The following AGO2 variants were observed in gnomAD, a reference collection of about 807,000 sequenced individuals.
The protein encoded by AGO2 is argonaute RISC catalytic component 2.
A neutral mutation model predicts 102.3 loss-of-function variants in AGO2; 5 were observed. That is an observed-to-expected ratio of 0.05 (90% CI 0.03 to 0.10). AGO2 has a LOEUF of 0.10. AGO2 is among the 10% of genes least tolerant of loss of function. The probability of loss-of-function intolerance (pLI) is 1.00; values close to 1 mark genes in which losing one functional copy is unlikely to be tolerated. For synonymous variants in AGO2, 449 were observed against 473.1 expected, an observed-to-expected ratio of 0.95 and a Z score of 0.66; for missense variants, 541 against 1,183.7, an observed-to-expected ratio of 0.46 and a Z score of 7.97.
rs1463018657 is a variant in AGO2 at position 140,597,476 on chromosome 8, C to A, written c.23-12165G>T. Among the ~76,000 whole-genome samples the A allele has an allele frequency of 3.0e-4, 41 of 136,208 alleles. 1 individual carries two copies. Among genetic ancestry groups the A allele is most frequent in the South Asian group, 2.6e-3 (10 of 3,832 alleles). The allele number at this position is 136,208 out of a possible 152,430, so 89.4% of individuals were successfully genotyped here. A position where few individuals can be genotyped will look rare whatever the true frequency, so the allele number is the denominator to read the frequency against. ...GATGGGGGCTGGGTGGCCCCCCCAC[C>A]CCCCCCCCCCCGCCCCAGGCCTCCC... On this transcript the variant is annotated intron_variant, in intron 1 of 18. Transcript: ENST00000220592.
In AGO2 at chr8:140,521,621, A is replaced by G. The variant is rs949721103; in HGVS notation, c.*10423T>C. The G allele has an allele frequency of 6.6e-6, 1 of 152,244 alleles. No individual in the cohort carries two copies. The highest frequency in any genetic ancestry group is 2.1e-4 in the South Asian group (1 of 4,834). 9.4% of individuals were successfully genotyped at this position (152,244 alleles called of 1,614,324 possible). On this transcript the variant is annotated 3_prime_UTR_variant, in exon 19 of 19. Coordinates refer to ENST00000220592, the MANE Select transcript of AGO2 (RefSeq NM_012154.5). ...AATATAAAAGCATGGTAAGTCATCAACCTATCTCATTTTCTTACCTGTCAG... is the reference window on the plus strand; with the variant it reads ...AATATAAAAGCATGGTAAGTCATCAGCCTATCTCATTTTCTTACCTGTCAG...
At chr8:140,541,104 C>A in intron 15 of AGO2, 60 bp downstream of exon 15, 1 of 1,460,624 alleles carries the variant, frequency 6.8e-7, no homozygotes, top group Non-Finnish European at 9.2e-7. Context: ...GGTTCTGCTG[C>A]ACAAACAGGT....
At chr8:140,568,287 G>GAAAAAAAA (rs4058201) in intron 3 of AGO2, among the ~76,000 whole-genome samples, 44,144 of 129,844 alleles carry the variant, frequency 0.34, 8,283 homozygotes, top group African/African-American at 0.51. Flanking sequence ...ATGTCTGGGG[G>GAAAAAAAA]AAAAAAAAAA....
intron 1 of AGO2, chr8:140,626,533 CA>C (rs1170383595): frequency 6.6e-6 from 1 of 152,226 alleles, no homozygotes; most frequent in Admixed American, 6.5e-5. Flanking sequence ...CTCCTCTGAT[CA>C]AAGCACCACC....
At position 140,539,189 on chromosome 8, in the gene AGO2, C is replaced by T; in HGVS notation, c.2169+131G>A. 7.5e-7 allele frequency: 1 copy of T among 1,340,204 alleles called. No individual in the cohort carries two copies. The highest frequency in any genetic ancestry group is 1.0e-6 in the Non-Finnish European group (1 of 994,152). 83.0% of individuals were successfully genotyped at this position (1,340,204 alleles called of 1,614,324 possible). Reference sequence around the variant, plus strand: ...CTAAACCTGGGTCCCCATGAAGCCCCTTAGAGGACAGAGTCACCCTAGAGC... The same window carrying T: ...CTAAACCTGGGTCCCCATGAAGCCCTTTAGAGGACAGAGTCACCCTAGAGC... On this transcript the variant is annotated intron_variant, in intron 16 of 18. Transcript: ENST00000220592. This position sits in a 1 kb window ranked among gnomAD's most constrained non-coding sequence, Gnocchi z 4.7.
Position 140,555,882 on chromosome 8 carries a change from C to A in AGO2, c.1269+14G>T. ...TGCCCCGCAGCCACACGTTCCCCGC[C>A]GCCCCACACGTACCCTGCCCCCGTA... On this transcript the variant is annotated intron_variant, in intron 10 of 18. Transcript: ENST00000220592. 1 of 1,610,652 alleles carries A rather than the reference C, an allele frequency of 6.2e-7. No homozygotes were observed. The highest frequency in any genetic ancestry group is 1.1e-5 in the South Asian group (1 of 90,964).
chr8:140,621,540 T>A (rs1215002497), intron 1 of AGO2, among the ~76,000 whole-genome samples: 1 of 152,158 alleles, frequency 6.6e-6, no homozygotes, highest in Non-Finnish European at 1.5e-5. Flanking sequence ...ATATGAGGCA[T>A]CCAGGATGGA....
In AGO2 at chr8:140,625,920, C is replaced by T. The variant is rs913339910; in HGVS notation, c.22+9565G>A. ...AGAATCCATCCACACCTAATGTGAC[C>T]GTTCTTACAGTGAGGCACGCGCTTT... is the stretch of plus-strand genomic sequence containing the variant. On this transcript the variant is annotated intron_variant, in intron 1 of 18. Coordinates refer to ENST00000220592, the MANE Select transcript of AGO2 (RefSeq NM_012154.5). Among the ~76,000 whole-genome samples, 90 of 152,214 alleles carry T rather than the reference C, an allele frequency of 5.9e-4. 3 individuals carry two copies. The highest frequency in any genetic ancestry group is 2.9e-4 in the African/African-American group (12 of 41,452).
chr8:140,557,176 C>G lies in AGO2; in HGVS notation c.939G>C (p.Lys313Asn). The part of the protein sequence containing the change: ...TVECTVAQYF[K>N]DRHKLVLRYP... Reference sequence around the variant, plus strand: ...AGCGCAGAACCAACTTGTGCCTGTCCTTGAAATACTGGGCCACCGTGCACT... The same window carrying G: ...AGCGCAGAACCAACTTGTGCCTGTCGTTGAAATACTGGGCCACCGTGCACT... The change falls in exon 8 of 19, where the codon AAG becomes AAC. Residue 313 changes from lysine (K) to asparagine (N), a missense_variant. By Grantham distance (94) the Lys-to-Asn change is moderately conservative. Around this residue, in one of 6 missense-constraint regions of AGO2, gnomAD observed 38 missense variants for 68.1 expected, o/e 0.56. Coordinates refer to ENST00000220592, the MANE Select transcript of AGO2 (RefSeq NM_012154.5). The surrounding 1 kb of genome is among the most constrained non-coding windows in gnomAD (Gnocchi z 5.9). 6 of 1,614,082 alleles carry G rather than the reference C, an allele frequency of 3.7e-6. No homozygotes were observed. Among genetic ancestry groups the G allele is most frequent in the Non-Finnish European group, 4.2e-6 (5 of 1,180,000 alleles).
intron 2 of AGO2, among the ~76,000 whole-genome samples, chr8:140,579,821 A>G (rs371621702): frequency 3.9e-4 from 59 of 152,360 alleles, no homozygotes; most frequent in African/African-American, 1.4e-3. Flanking sequence ...GTCCACCTGC[A>G]TTCCCGTGAG....
At chr8:140,586,784 C>T (rs1236460916) in intron 1 of AGO2, among the ~76,000 whole-genome samples, 1 of 152,182 alleles carries the variant, frequency 6.6e-6, no homozygotes, top group Non-Finnish European at 1.5e-5. Flanking sequence ...TCTCAGGTGG[C>T]TCCAACCACC....
the AGO2 span, among the ~76,000 whole-genome samples, chr8:140,641,693 C>T: frequency 6.6e-6 from 1 of 152,194 alleles, no homozygotes; most frequent in African/African-American, 2.4e-5. Flanking sequence ...GAGCAATTCT[C>T]GTGCCTCAGC....
intron 4 of AGO2, among the ~76,000 whole-genome samples, chr8:140,560,930 C>T (rs2073188604): frequency 6.6e-6 from 1 of 152,262 alleles, no homozygotes; most frequent in African/African-American, 2.4e-5. Flanking sequence ...CAGCCAGGCC[C>T]AGCCCCAGCC....
chr8:140,640,304 A>G (rs2074432958), upstream of AGO2, among the ~76,000 whole-genome samples: 1 of 151,420 alleles, frequency 6.6e-6, no homozygotes, highest in Non-Finnish European at 1.5e-5. Flanking sequence ...GCCACCATGC[A>G]CAGCCAAACT....
intron 1 of AGO2, among the ~76,000 whole-genome samples, chr8:140,594,852 T>TGTGTGTGTGTGTGTGTGTGG (rs1216580308): frequency 1.3e-5 from 2 of 151,952 alleles, no homozygotes; most frequent in Non-Finnish European, 2.9e-5. Context: ...TGTGTGTGTG[T>TGTGTGTGTGTGTGTGTGTGG]GTATTTCTCT....
In AGO2 at chr8:140,556,215, T is replaced by C. The variant is rs764730848; in HGVS notation, c.1098A>G (p.Arg366=). ...LTDNQTSTMI[R]ATARSAPDRQ... is the part of the protein sequence containing the mutation. ...GATCGGGCGCCGACCTAGCAGTCGC[T>C]CTGATCATGGTTGAGGTCTGATTGT... The change falls in exon 9 of 19, where the codon AGA becomes AGG. Residue 366 remains arginine (R), a synonymous_variant. Transcript: ENST00000220592. 8.7e-6 allele frequency: 14 copies of C among 1,614,206 alleles called. No individual in the cohort carries two copies. The highest frequency in any genetic ancestry group is 1.1e-5 in the Non-Finnish European group (13 of 1,180,034).
upstream of AGO2, among the ~76,000 whole-genome samples, chr8:140,638,984 C>T (rs959025208): frequency 7.2e-5 from 11 of 152,130 alleles, no homozygotes; most frequent in African/African-American, 2.7e-4. Flanking sequence ...CTTAAATAAT[C>T]CTCCTACCTC....
chr8:140,532,318 C>G, intron 18 of AGO2, 98 bp downstream of exon 18: 1 of 1,464,322 alleles, frequency 6.8e-7, no homozygotes, highest in Non-Finnish European at 9.3e-7. Context: ...CGGCTCCAGC[C>G]GCTGGGGCCC....
At chr8:140,595,953 T>TATAATAC (rs1202450935) in intron 1 of AGO2, among the ~76,000 whole-genome samples, 13 of 127,920 alleles carry the variant, frequency 1.0e-4, no homozygotes, top group African/African-American at 3.6e-4. Flanking sequence ...ATATTTTATA[T>TATAATAC]ATAATATATA....
Sources: allele counts gnomAD v4.1 joint callset (sites outside exome capture counted in the v4.1 genomes callset), GRCh38; gene constraint gnomAD v4.1.1; regional missense constraint gnomAD v4.1.1; non-coding constraint Gnocchi (gnomAD v3.1); transcripts MANE v1.5; gene names NCBI Gene and HGNC (gene_info 2026-07-23, HGNC 2026-07-21).